The following RBM41 variants were observed in gnomAD, a reference collection of about 807,000 sequenced individuals.
RBM41 encodes RNA-binding protein 41.
RBM41 carries 14 observed loss-of-function variants against 30.8 expected under a neutral mutation model. The ratio of observed to expected loss-of-function variants is 0.45; its 90% CI spans 0.30 to 0.71. The LOEUF (loss-of-function observed/expected upper bound fraction) is 0.71. Ranked by LOEUF, RBM41 falls within the 30% of genes least tolerant of loss-of-function variation. The pLI is 0.08. For synonymous variants in RBM41, 120 were observed against 110.1 expected, an observed-to-expected ratio of 1.09 and a Z score of -0.56; for missense variants, 276 against 326.3, an observed-to-expected ratio of 0.85 and a Z score of 1.19.
chrX:107,091,543 A>G (rs1003832271), intron 5 of RBM41, among the ~76,000 whole-genome samples: 1 of 111,890 alleles, frequency 8.9e-6, no homozygotes, highest in African/African-American at 3.2e-5. Flanking sequence ...AAATATTTAC[A>G]TGGATCTAAA....
chrX:107,054,798 C>T, the RBM41 span, among the ~76,000 whole-genome samples: 531 of 111,637 alleles, frequency 4.8e-3, 4 homozygotes, highest in African/African-American at 0.016. Context: ...CCACAGGTAG[C>T]GAGGAAATTT....
At chrX:107,089,734 C>T (rs1448074885) in intron 5 of RBM41, among the ~76,000 whole-genome samples, 2 of 111,544 alleles carry the variant, frequency 1.8e-5, no homozygotes, top group African/African-American at 3.3e-5. Context: ...AGACACATAA[C>T]GTTTGGTGGT....
intron 6 of RBM41, among the ~76,000 whole-genome samples, chrX:107,073,122 C>T (rs1311491199): frequency 1.8e-5 from 2 of 111,518 alleles, no homozygotes; most frequent in Non-Finnish European, 1.9e-5. Context: ...GCACAGGCAA[C>T]GAAAGCAAAA....
In RBM41 at chrX:107,061,934, G is replaced by T. The variant is rs917779821; in HGVS notation, c.*5593C>A. On this transcript the variant is annotated 3_prime_UTR_variant, in exon 8 of 8. Coordinates refer to ENST00000685964, the MANE Select transcript of RBM41 (RefSeq NM_001324242.2). ...CATTTATTTAAAAAAATTACACACA[G>T]TAAAATTCATCCTTTTTAGTGTACA... Among the ~76,000 whole-genome samples, 4 of 112,068 alleles carry T rather than the reference G, an allele frequency of 3.6e-5. No homozygotes were observed. The highest frequency in any genetic ancestry group is 7.5e-5 in the Non-Finnish European group (4 of 53,230).
intron 5 of RBM41, among the ~76,000 whole-genome samples, chrX:107,092,267 CA>C (rs541073895): frequency 5.8e-4 from 50 of 86,742 alleles, no homozygotes; most frequent in South Asian, 1.6e-3. Context: ...AGAGATGGAC[CA>C]AAAAAAAAAA....
rs963102511 is a variant in RBM41, at chrX:107,063,077, T to C, written c.*4450A>G. 5.4e-5 allele frequency among the ~76,000 whole-genome samples: 6 copies of C among 111,488 alleles called. No individual in the cohort carries two copies. Among genetic ancestry groups the C allele is most frequent in the African/African-American group, 2.0e-4 (6 of 30,659 alleles). On this transcript the variant is annotated 3_prime_UTR_variant, in exon 8 of 8. Coordinates refer to ENST00000685964, the MANE Select transcript of RBM41 (RefSeq NM_001324242.2). Reference sequence around the variant, plus strand: ...ATTCATACACCACACAATTCACCCATTTAACGTGTACAATTCCTGGTTTTT... The same window carrying C: ...ATTCATACACCACACAATTCACCCACTTAACGTGTACAATTCCTGGTTTTT...
At chrX:107,069,435 T>C (rs1214290948) in intron 6 of RBM41, 33 bp from the exon 7 acceptor site, 6 of 1,160,845 alleles carry the variant, frequency 5.2e-6, no homozygotes, top group Non-Finnish European at 6.9e-6. Flanking sequence ...CAAAATATCA[T>C]ATAAAGGAGG....
At chrX:107,099,801 G>A (rs1923300889) in intron 5 of RBM41, among the ~76,000 whole-genome samples, 1 of 110,905 alleles carries the variant, frequency 9.0e-6, no homozygotes, top group African/African-American at 3.3e-5. Flanking sequence ...ATCTCCAATT[G>A]TATTCCGGAT....
In RBM41 at chrX:107,118,799, T is replaced by C. The variant is rs1277334542; in HGVS notation, c.-26A>G. 8.3e-7 allele frequency: 1 copy of C among 1,209,220 alleles called. No homozygotes were observed. The highest frequency in any genetic ancestry group is 1.1e-6 in the Non-Finnish European group (1 of 894,989). ...GTTTCCACAGGCCCCTACCTCCAACTTGGGTAAATAGGCCGCGGACCTCAA... is the reference window on the plus strand; with the variant it reads ...GTTTCCACAGGCCCCTACCTCCAACCTGGGTAAATAGGCCGCGGACCTCAA... On this transcript the variant is annotated 5_prime_UTR_variant, in exon 1 of 8. Coordinates refer to ENST00000685964, the MANE Select transcript of RBM41 (RefSeq NM_001324242.2).
intron 5 of RBM41, among the ~76,000 whole-genome samples, chrX:107,107,303 C>G (rs1398147286): frequency 1.8e-5 from 2 of 111,404 alleles, no homozygotes; most frequent in African/African-American, 6.5e-5. Context: ...GAGAAGAAAA[C>G]AAGGGTGAGG....
At chrX:107,080,477 T>G (rs749092764) in intron 6 of RBM41, among the ~76,000 whole-genome samples, 3 of 110,885 alleles carry the variant, frequency 2.7e-5, no homozygotes, top group African/African-American at 9.8e-5. Flanking sequence ...ACTTGGGAAG[T>G]TGAAGTAGGA....
intron 5 of RBM41, among the ~76,000 whole-genome samples, chrX:107,103,948 C>G (rs1220957522): frequency 1.8e-5 from 2 of 110,529 alleles, no homozygotes; most frequent in Non-Finnish European, 3.8e-5. Flanking sequence ...GGAGATGGTC[C>G]GATGATTGTC....
intron 5 of RBM41, among the ~76,000 whole-genome samples, chrX:107,091,858 G>A (rs183399788): frequency 9.7e-6 from 1 of 103,033 alleles, no homozygotes; most frequent in African/African-American, 3.5e-5. Flanking sequence ...TCATTCCTTC[G>A]TAAAGCTGCA....
At chrX:107,086,243 T>C (rs1443538270) in intron 6 of RBM41, among the ~76,000 whole-genome samples, 1 of 111,470 alleles carries the variant, frequency 9.0e-6, no homozygotes, top group Non-Finnish European at 1.9e-5. Context: ...GAGATATACA[T>C]ACCCTATATA....
At chrX:107,059,817 G>C (rs972311239), downstream of RBM41, among the ~76,000 whole-genome samples, 39 of 111,815 alleles carry the variant, frequency 3.5e-4, no homozygotes, top group African/African-American at 1.3e-3. Context: ...CTACAAGAGT[G>C]TCTATTTTCC....
intron 6 of RBM41, among the ~76,000 whole-genome samples, chrX:107,070,709 G>A (rs992972009): frequency 9.0e-6 from 1 of 111,339 alleles, no homozygotes; most frequent in Non-Finnish European, 1.9e-5. Flanking sequence ...GAAAATAAGA[G>A]AAATTATTCT....
chrX:107,115,276 T>C, intron 4 of RBM41, 76 bp downstream of exon 4: 1 of 1,053,992 alleles, frequency 9.5e-7, no homozygotes, highest in Non-Finnish European at 1.3e-6. Flanking sequence ...CTTCACTAAC[T>C]CTTCATATTT....
At position 107,089,712 on chromosome X, in the gene RBM41, T is replaced by C. The variant is rs144494717; in HGVS notation, c.596-873A>G. On this transcript the variant is annotated intron_variant, in intron 5 of 7. Transcript: ENST00000685964. ...ATAGACAGATATGTACTTCCTATTG[T>C]ATCATGTCATAAGACACATAACGTT... is the stretch of plus-strand genomic sequence containing the variant. Among the ~76,000 whole-genome samples, 346 of 112,071 alleles carry C rather than the reference T, an allele frequency of 3.1e-3. 1 individual carries two copies. The highest frequency in any genetic ancestry group is 0.011 in the African/African-American group (333 of 30,862).
At position 107,088,719 on chromosome X, in the gene RBM41, G is replaced by A. The variant is rs1602579397; in HGVS notation, c.716C>T (p.Ser239Phe). ...TGATGTAGCTGAGACCAGTGAGTGG[G>A]AAGCAAAGGGTTCACCTCTCATAAG... ...FQLMRGEPFA[S>F]HSLVSATSVG... Residue 239 changes from serine to phenylalanine, a missense_variant, in exon 6 of 8, where the codon TCC (serine) becomes TTC (phenylalanine). Transcript: ENST00000685964. 1 of 1,209,359 alleles carries A rather than the reference G, an allele frequency of 8.3e-7. No individual in the cohort carries two copies. The highest frequency in any genetic ancestry group is 1.1e-6 in the Non-Finnish European group (1 of 895,165).
Sources: allele counts gnomAD v4.1 joint callset (sites outside exome capture counted in the v4.1 genomes callset), GRCh38; gene constraint gnomAD v4.1.1; transcripts MANE v1.5; gene names NCBI Gene and HGNC (gene_info 2026-07-23, HGNC 2026-07-21).